Variants in GRHL2 observed in about 807,000 individuals in gnomAD.
The protein encoded by GRHL2 is grainyhead-like protein 2 homolog.
A neutral mutation model predicts 83.8 loss-of-function variants in GRHL2; 21 were observed. That is an observed-to-expected ratio of 0.25 (90% confidence interval 0.18 to 0.36). The LOEUF is 0.36. Ranked by LOEUF, GRHL2 falls within the 10% of genes least tolerant of loss-of-function variation. The probability of loss-of-function intolerance (pLI) is 1.00; values close to 1 mark genes in which losing one functional copy is unlikely to be tolerated. For synonymous variants in GRHL2, 280 were observed against 278.9 expected (o/e 1.00, Z -0.04); for missense variants, 623 against 781.8 (o/e 0.80, Z 2.42).
At chr8:101,633,795 T>C (rs1813233615) in intron 11 of GRHL2, among the ~76,000 whole-genome samples, 1 of 152,066 alleles carries the variant, frequency 6.6e-6, no homozygotes, top group Non-Finnish European at 1.5e-5. Flanking sequence ...CCCATGGGAT[T>C]TTATGGGGCT....
intron 9 of GRHL2, among the ~76,000 whole-genome samples, chr8:101,623,384 C>T (rs1342836084): frequency 6.6e-6 from 1 of 151,702 alleles, no homozygotes; most frequent in African/African-American, 2.4e-5. Flanking sequence ...TAAGACAGTT[C>T]ACGGTACCCA....
chr8:101,587,572 A>C (rs565268832), intron 7 of GRHL2, among the ~76,000 whole-genome samples: 19 of 152,332 alleles, frequency 1.2e-4, no homozygotes, highest in African/African-American at 3.6e-4. Context: ...TTATATCCAT[A>C]GCTATAACAT....
intron 7 of GRHL2, among the ~76,000 whole-genome samples, chr8:101,580,997 G>A (rs1812041701): frequency 6.6e-6 from 1 of 152,156 alleles, no homozygotes; most frequent in Non-Finnish European, 1.5e-5. Flanking sequence ...GCCACTGCGT[G>A]CCACCATTTT....
downstream of GRHL2, among the ~76,000 whole-genome samples, chr8:101,671,143 A>C (rs546167642): frequency 6.6e-6 from 1 of 152,334 alleles, no homozygotes; most frequent in African/African-American, 2.4e-5. Flanking sequence ...TACCGGGTTC[A>C]TCTCACTAGG....
At chr8:101,614,309 T>C (rs760701390) in intron 8 of GRHL2, among the ~76,000 whole-genome samples, 5 of 151,184 alleles carry the variant, frequency 3.3e-5, no homozygotes, top group Non-Finnish European at 7.4e-5. Flanking sequence ...AAACAATCTT[T>C]ATCTGAATCA....
chr8:101,612,045 A>G (rs535047785), intron 8 of GRHL2, among the ~76,000 whole-genome samples: 14 of 150,790 alleles, frequency 9.3e-5, no homozygotes, highest in South Asian at 2.1e-4. Flanking sequence ...GATGGAGTGC[A>G]ATGGCGGGAT....
chr8:101,552,466 C>T (rs1811404274), intron 2 of GRHL2, among the ~76,000 whole-genome samples: 1 of 152,216 alleles, frequency 6.6e-6, no homozygotes, highest in Admixed American at 6.5e-5. Flanking sequence ...GGAGAGTCAC[C>T]TAGGCCAGCA....
chr8:101,652,602 T>TTTGTGTGTGTGTGATG, intron 14 of GRHL2, among the ~76,000 whole-genome samples: 1 of 87,288 alleles, frequency 1.1e-5, no homozygotes, highest in East Asian at 3.1e-4. Context: ...GTGTGTGTGG[T>TTTGTGTGTGTGTGATG]GTGTGTGTGT....
intron 14 of GRHL2, among the ~76,000 whole-genome samples, chr8:101,658,542 T>G (rs576701787): frequency 6.6e-6 from 1 of 152,322 alleles, no homozygotes; most frequent in Non-Finnish European, 1.5e-5. Flanking sequence ...CAATAAATGC[T>G]AGCTATGGCT....
In GRHL2 at chr8:101,558,754, A is replaced by C. The variant is rs1811541046; in HGVS notation, c.620A>C (p.Asp207Ala). Residue 207 changes from aspartate to alanine, a missense_variant, in exon 4 of 16, where the codon GAC becomes GCC. Coordinates refer to ENST00000646743, the MANE Select transcript of GRHL2 (RefSeq NM_024915.4). Reference protein sequence around the residue: ...LATHSAYLKDDQRSTPDSTYS... With the variant: ...LATHSAYLKDAQRSTPDSTYS... ...ACCCACAGCGCCTATCTCAAAGACG[A>C]CCAGCGCAGCACTCCGGACAGCACA... The C allele has an allele frequency of 6.2e-7, 1 of 1,614,112 alleles. No individual in the cohort carries two copies. Among genetic ancestry groups the C allele is most frequent in the Non-Finnish European group, 8.5e-7 (1 of 1,180,020 alleles).
intron 2 of GRHL2, among the ~76,000 whole-genome samples, chr8:101,551,256 C>A (rs1811374272): frequency 6.6e-6 from 1 of 152,088 alleles, no homozygotes; most frequent in African/African-American, 2.4e-5. Flanking sequence ...ACCAGACACT[C>A]CAAGTGCTTA....
intron 3 of GRHL2, among the ~76,000 whole-genome samples, chr8:101,553,719 C>G (rs1811434396): frequency 6.6e-6 from 1 of 151,606 alleles, no homozygotes; most frequent in South Asian, 2.1e-4. Flanking sequence ...TCTCCGCCTC[C>G]CAGGTTCAAG....
chr8:101,519,000 T>C (rs980585011), intron 1 of GRHL2, among the ~76,000 whole-genome samples: 3 of 152,160 alleles, frequency 2.0e-5, no homozygotes, highest in Admixed American at 1.3e-4. Context: ...GCTGTGCAGT[T>C]GACAAATTTT....
intron 1 of GRHL2, among the ~76,000 whole-genome samples, chr8:101,530,670 C>T (rs1390123868): frequency 2.6e-5 from 4 of 152,158 alleles, no homozygotes; most frequent in Admixed American, 6.5e-5. Context: ...TATGTGTTGC[C>T]TGCTTTCCTG....
chr8:101,677,099 T>G, the GRHL2 span, among the ~76,000 whole-genome samples: 3 of 151,728 alleles, frequency 2.0e-5, no homozygotes, highest in African/African-American at 4.9e-5. Context: ...CATTAGGAAA[T>G]ATACCTAATG....
intron 14 of GRHL2, among the ~76,000 whole-genome samples, chr8:101,652,319 C>CGT (rs911880771): frequency 0.032 from 3,442 of 107,634 alleles, 141 homozygotes; most frequent in African/African-American, 0.064. Context: ...AGTGTGTGTG[C>CGT]GTGTGTGTGT....
At chr8:101,499,617 G>A (rs1393321050) in intron 1 of GRHL2, among the ~76,000 whole-genome samples, 2 of 152,156 alleles carry the variant, frequency 1.3e-5, no homozygotes, top group Non-Finnish European at 2.9e-5. Context: ...GATCATTGCA[G>A]CAGATGATGT....
chr8:101,632,197 C>T (rs1375936710), intron 10 of GRHL2, 29 bp from the exon 11 acceptor site: 2 of 1,613,252 alleles, frequency 1.2e-6, no homozygotes. Context: ...ATGACTCTCT[C>T]ATTTATGAGT....
At chr8:101,659,661 G>T (rs2186390) in intron 14 of GRHL2, among the ~76,000 whole-genome samples, 70,074 of 152,014 alleles carry the variant, frequency 0.46, 18,937 homozygotes, top group Non-Finnish European at 0.6. Flanking sequence ...CTTTTAATTT[G>T]CATGTGCAAG....
Sources: gnomAD v4.1 joint callset for allele counts (sites outside exome capture counted in the v4.1 genomes callset) on GRCh38, gnomAD v4.1.1 for gene constraint, MANE v1.5 for transcripts, NCBI Gene and HGNC (gene_info 2026-07-23, HGNC 2026-07-21) for gene names.